The following SAMD11 variants were observed in gnomAD, a reference collection of about 807,000 sequenced individuals.
SAMD11 encodes sterile alpha motif domain containing 11.
Under a neutral mutation model 64.4 loss-of-function variants are expected in SAMD11, and 77 were observed. The ratio of observed to expected loss-of-function variants is 1.20; its 90% CI spans 0.99 to 1.44. The LOEUF is 1.44. Among genes scored for constraint, SAMD11 ranks in the 40% most tolerant of loss-of-function variants. The pLI is 0.00. For synonymous variants in SAMD11, 658 were observed against 421.9 expected (o/e 1.56, Z -6.86); for missense variants, 1,402 against 943.3 (o/e 1.49, Z -6.37).
chr1:924,507 G>A lies in SAMD11; in HGVS notation c.76G>A (p.Ala26Thr), dbSNP rs1640790666. 1 of 149,858 alleles carries A rather than the reference G, an allele frequency of 6.7e-6. No individual in the cohort carries two copies. Among genetic ancestry groups the A allele is most frequent in the Non-Finnish European group, 1.5e-5 (1 of 66,934 alleles). The allele number at this position is 149,858 out of a possible 1,614,324, so 9.3% of individuals were successfully genotyped here. A position where few individuals can be genotyped will look rare whatever the true frequency, so the allele number is the denominator to read the frequency against. The change falls in exon 1 of 14, where the codon GCC becomes ACC. Residue 26 changes from alanine to threonine, a missense_variant. Transcript: ENST00000616016. ...LALATFHPTL[A>T]ALPLPPLPGY... ...TCTGGCCACGTTCCACCCGACCCTG[G>A]CCGCGCTGCCGCTGCCGCCGCTGCC...
intron 4 of SAMD11, among the ~76,000 whole-genome samples, chr1:932,111 A>T (rs1455933448): frequency 6.6e-6 from 1 of 152,206 alleles, no homozygotes. Context: ...AAACATCTTT[A>T]AACTTATTTC....
chr1:944,327 A>C lies in SAMD11; in HGVS notation c.*174A>C. The stretch of plus-strand genomic sequence containing the variant: ...AATTTTCAAAGACTTGGGGGAGTGA[A>C]GGCAGAGCCTGGTGCAGATGGACGA... On this transcript the variant is annotated 3_prime_UTR_variant, in exon 14 of 14. Transcript: ENST00000616016. The C allele has an allele frequency of 7.2e-7, 1 of 1,385,858 alleles. No individual in the cohort carries two copies. Among genetic ancestry groups the C allele is most frequent in the Non-Finnish European group, 9.3e-7 (1 of 1,077,242 alleles). The allele number at this position is 1,385,858 out of a possible 1,614,324, so 85.8% of individuals were successfully genotyped here.
In SAMD11 at chr1:943,006, G is replaced by A. The variant is rs934017363; in HGVS notation, c.2001G>A (p.Gly667=). 1 of 1,538,394 alleles carries A rather than the reference G, an allele frequency of 6.5e-7. No homozygotes were observed. Among genetic ancestry groups the A allele is most frequent in the Admixed American group, 2.1e-5 (1 of 48,592 alleles). Reference sequence around the variant, plus strand: ...CCGAGGGGAAGGGGCTTTTCCCAGGGTCCACACTGCCCCTGGGCTTCCCTT... The same window carrying A: ...CCGAGGGGAAGGGGCTTTTCCCAGGATCCACACTGCCCCTGGGCTTCCCTT... ...AGAEGKGLFP[G]STLPLGFPYA... The change falls in exon 11 of 14, where the codon GGG becomes GGA. Residue 667 remains glycine (G), a synonymous_variant. Transcript: ENST00000616016.
intron 2 of SAMD11, among the ~76,000 whole-genome samples, chr1:928,141 C>G (rs147534364): frequency 0.054 from 8,242 of 152,282 alleles, 320 homozygotes; most frequent in Non-Finnish European, 0.087. Flanking sequence ...TGCCTGTAAT[C>G]CCAGCACTTT....
At position 942,163 on chromosome 1, in the gene SAMD11, G is replaced by T; in HGVS notation, c.1386G>T (p.Leu462=). 7.0e-7 allele frequency: 1 copy of T among 1,425,856 alleles called. No individual in the cohort carries two copies. The highest frequency in any genetic ancestry group is 9.3e-7 in the Non-Finnish European group (1 of 1,079,468). The allele number at this position is 1,425,856 out of a possible 1,614,324, so 88.3% of individuals were successfully genotyped here. Residue 462 remains leucine, a synonymous_variant, in exon 9 of 14, where the codon CTG becomes CTT. Coordinates refer to ENST00000616016, the MANE Select transcript of SAMD11 (RefSeq NM_001385641.1). ...AGCTGCCTCAGCCGCCCCCCTTGCT[G>T]TCGCCGCAGAATGCCCCTCACGTCG... ...ERELPQPPPL[L]SPQNAPHVAL...
chr1:943,485 C>A, intron 12 of SAMD11, 108 bp downstream of exon 12: 1 of 1,110,894 alleles, frequency 9.0e-7, no homozygotes, highest in Non-Finnish European at 1.3e-6. Context: ...CTCTCCCTCC[C>A]CAAAAGCAGT....
chr1:930,976 T>C, intron 3 of SAMD11, 63 bp from the exon 4 acceptor site: 1 of 1,533,590 alleles, frequency 6.5e-7, no homozygotes, highest in Non-Finnish European at 9.0e-7. Context: ...CACGCCCTGC[T>C]ATCCTGAGGC....
rs777519595 is a variant in SAMD11, at chr1:942,404, C to A, written c.1475-6C>A. The A allele has an allele frequency of 1.4e-5, 20 of 1,467,730 alleles. No homozygotes were observed. The highest frequency in any genetic ancestry group is 1.8e-5 in the Non-Finnish European group (20 of 1,114,064). 90.9% of individuals were successfully genotyped at this position (1,467,730 alleles called of 1,614,324 possible). ...CCCGACCCCGCGTTGTCCCCCTCCC[C>A]ACCAGGCTACGGCTTCCTGCCCCCC... On this transcript the variant is annotated splice_region_variant and splice_polypyrimidine_tract_variant and intron_variant, in intron 9 of 13. Transcript: ENST00000616016.
intron 5 of SAMD11, 107 bp downstream of exon 5, chr1:936,003 AG>A: frequency 8.3e-7 from 1 of 1,210,760 alleles, no homozygotes; most frequent in Non-Finnish European, 1.2e-6. Flanking sequence ...GAGAGGCAGG[AG>A]GAGCGGCCTG....
intron 4 of SAMD11, among the ~76,000 whole-genome samples, chr1:933,347 G>A (rs907051641): frequency 1.3e-5 from 2 of 152,190 alleles, no homozygotes; most frequent in Non-Finnish European, 2.9e-5. Context: ...CAAACTCCAA[G>A]GCAGAGACCA....
intron 8 of SAMD11, among the ~76,000 whole-genome samples, chr1:941,705 C>T (rs1044106417): frequency 1.3e-5 from 2 of 152,108 alleles, no homozygotes; most frequent in Non-Finnish European, 2.9e-5. Flanking sequence ...ACCCGGGTTT[C>T]TCGGGTCCAG....
chr1:943,147 C>T (rs531927232), intron 11 of SAMD11, 89 bp downstream of exon 11: 740 of 1,582,640 alleles, frequency 4.7e-4, no homozygotes, highest in Admixed American at 1.2e-3. Flanking sequence ...AAAAATTCCC[C>T]TTAGGCACCC....
chr1:941,905 T>TAATTACCGCTGCAGC (rs1260788640), intron 8 of SAMD11, among the ~76,000 whole-genome samples: 1 of 151,754 alleles, frequency 6.6e-6, no homozygotes, highest in East Asian at 1.9e-4. Flanking sequence ...CCCCGCGCAG[T>TAATTACCGCTGCAGC]AATTACCGCT....
At chr1:941,425 T>G in intron 8 of SAMD11, 119 bp downstream of exon 8, 2 of 1,084,504 alleles carry the variant, frequency 1.8e-6, no homozygotes, top group Non-Finnish European at 1.3e-6. Context: ...TAGGTTCGGG[T>G]CCGGGCAGAG....
intron 4 of SAMD11, among the ~76,000 whole-genome samples, chr1:932,455 G>A (rs1159697618): frequency 6.6e-6 from 1 of 152,238 alleles, no homozygotes; most frequent in African/African-American, 2.4e-5. Context: ...CCAAGGGCGA[G>A]ATTTCGGTCA....
At chr1:936,698 C>A (rs1333422265) in intron 5 of SAMD11, among the ~76,000 whole-genome samples, 3 of 152,110 alleles carry the variant, frequency 2.0e-5, no homozygotes, top group Non-Finnish European at 2.9e-5. Flanking sequence ...TGGGGGAGGC[C>A]CACCCCCATC....
At chr1:935,377 G>A (rs1338854500) in intron 4 of SAMD11, among the ~76,000 whole-genome samples, 1 of 152,128 alleles carries the variant, frequency 6.6e-6, no homozygotes, top group Non-Finnish European at 1.5e-5. Context: ...ATTCTCTCCT[G>A]GGGCCTGTCC....
Position 939,033 on chromosome 1 carries a change from C to G in SAMD11, c.968-7C>G, listed in dbSNP as rs1250724522. The G allele has an allele frequency of 1.9e-5, 31 of 1,591,354 alleles. No individual in the cohort carries two copies. The East Asian group carries it at 7.0e-4, about 36-fold the overall frequency. ...GATGCAGGTGGGCACTCACTACCCT[C>G]CCGCAGGTGACCTGTTGGGCAAGAG... On this transcript the variant is annotated splice_polypyrimidine_tract_variant and splice_region_variant and intron_variant, in intron 5 of 13. Transcript: ENST00000616016.
In SAMD11 at chr1:942,815, T is replaced by G. The variant is rs879334943; in HGVS notation, c.1810T>G (p.Ser604Ala). ...CCGGAAGGGGGGTCCCGGCCCTGCC[T>G]CAGCGCGGCCCAGCGAGTCCAAGGA... ...APRKGGPGPA[S>A]ARPSESKEMT... The change falls in exon 11 of 14, where the codon TCA (serine) becomes GCA (alanine). Residue 604 changes from serine to alanine, a missense_variant. Coordinates refer to ENST00000616016, the MANE Select transcript of SAMD11 (RefSeq NM_001385641.1). The G allele has an allele frequency of 6.5e-7, 1 of 1,547,688 alleles. No homozygotes were observed.
Sources: gnomAD v4.1 joint callset for allele counts (sites outside exome capture counted in the v4.1 genomes callset) on GRCh38, gnomAD v4.1.1 for gene constraint, MANE v1.5 for transcripts, NCBI Gene and HGNC (gene_info 2026-07-23, HGNC 2026-07-21) for gene names.